Variants in CD2AP observed in about 807,000 individuals in gnomAD.
CD2AP encodes CD2 associated protein.
In CD2AP, 46 loss-of-function variants were observed where a neutral mutation model predicts 85.1. The observed-to-expected ratio is 0.54, with a 90% CI of 0.43 to 0.69. The LOEUF is 0.69. Ranked by LOEUF, CD2AP falls within the 30% of genes least tolerant of loss-of-function variation. The pLI is 0.00. For missense variants in CD2AP, 769 were observed against 729.5 expected (o/e 1.05, Z -0.62); for synonymous variants, 255 against 252.9 (o/e 1.01, Z -0.08).
At chr6:47,570,740 C>T (rs1768126557) in intron 5 of CD2AP, among the ~76,000 whole-genome samples, 1 of 152,128 alleles carries the variant, frequency 6.6e-6, no homozygotes, top group Non-Finnish European at 1.5e-5. Flanking sequence ...TGAAGTTCCC[C>T]ATTTTACAGG....
intron 3 of CD2AP, among the ~76,000 whole-genome samples, chr6:47,536,429 C>T (rs564861656): frequency 3.8e-4 from 58 of 152,168 alleles, no homozygotes; most frequent in African/African-American, 1.3e-3. Flanking sequence ...CAGTTTAAAT[C>T]CCTGTGTGCC....
intron 2 of CD2AP, among the ~76,000 whole-genome samples, chr6:47,509,970 A>C (rs943960965): frequency 3.3e-5 from 5 of 152,238 alleles, no homozygotes; most frequent in African/African-American, 1.2e-4. Flanking sequence ...TTCTACTATT[A>C]GGAATGATTT....
At chr6:47,536,690 G>A (rs1044578427) in intron 3 of CD2AP, among the ~76,000 whole-genome samples, 2 of 152,130 alleles carry the variant, frequency 1.3e-5, no homozygotes, top group Admixed American at 1.3e-4. Context: ...GAGCAAACAT[G>A]GAATAGTGTT....
chr6:47,617,223 C>T (rs528053098), intron 17 of CD2AP, among the ~76,000 whole-genome samples: 1 of 152,282 alleles, frequency 6.6e-6, no homozygotes, highest in East Asian at 1.9e-4. Context: ...CTTTGGCCTC[C>T]CAAAGTGGTA....
intron 2 of CD2AP, among the ~76,000 whole-genome samples, chr6:47,524,925 A>G (rs1766684365): frequency 6.6e-6 from 1 of 152,160 alleles, no homozygotes; most frequent in African/African-American, 2.4e-5. Flanking sequence ...TACTGATTTC[A>G]TATTAAGGAC....
At chr6:47,493,067 A>G (rs956117353) in intron 1 of CD2AP, among the ~76,000 whole-genome samples, 7 of 152,324 alleles carry the variant, frequency 4.6e-5, no homozygotes, top group Admixed American at 2.6e-4. Flanking sequence ...ATATGCTATA[A>G]TCATGCAATA....
chr6:47,589,551 T>TAC (rs112763182), intron 11 of CD2AP, among the ~76,000 whole-genome samples: 34,329 of 130,812 alleles, frequency 0.26, 5,556 homozygotes, highest in East Asian at 0.61. Context: ...CACATATATA[T>TAC]ACACACACAC....
intron 1 of CD2AP, among the ~76,000 whole-genome samples, chr6:47,498,918 T>C (rs926831188): frequency 1.3e-5 from 2 of 152,190 alleles, no homozygotes; most frequent in African/African-American, 4.8e-5. Flanking sequence ...AATACAACCA[T>C]AACATTTAAG....
chr6:47,608,557 T>G (rs1769337631), intron 15 of CD2AP, among the ~76,000 whole-genome samples: 1 of 152,206 alleles, frequency 6.6e-6, no homozygotes, highest in South Asian at 2.1e-4. Flanking sequence ...TTGATTTCAT[T>G]TCAGGGCATT....
intron 1 of CD2AP, among the ~76,000 whole-genome samples, chr6:47,496,414 A>G (rs1472945114): frequency 6.6e-6 from 1 of 152,142 alleles, no homozygotes; most frequent in African/African-American, 2.4e-5. Context: ...TAATATTACA[A>G]ACTTAATTAT....
At chr6:47,523,469 C>A (rs750221104) in intron 2 of CD2AP, among the ~76,000 whole-genome samples, 16 of 151,846 alleles carry the variant, frequency 1.1e-4, no homozygotes, top group South Asian at 2.1e-4. Flanking sequence ...GAATATGTTG[C>A]TTAAGCAAGA....
At chr6:47,601,677 C>G (rs1769139609) in intron 13 of CD2AP, among the ~76,000 whole-genome samples, 1 of 151,938 alleles carries the variant, frequency 6.6e-6, no homozygotes, top group Non-Finnish European at 1.5e-5. Context: ...AGTGTTCTAC[C>G]TCTTCTGTGA....
intron 5 of CD2AP, among the ~76,000 whole-genome samples, chr6:47,555,110 C>T (rs1332077574): frequency 6.6e-6 from 1 of 152,086 alleles, no homozygotes; most frequent in African/African-American, 2.4e-5. Context: ...TTTAATACTT[C>T]AGAAATTTTA....
At chr6:47,490,591 C>T (rs1477354119) in intron 1 of CD2AP, among the ~76,000 whole-genome samples, 3 of 151,934 alleles carry the variant, frequency 2.0e-5, no homozygotes, top group Non-Finnish European at 2.9e-5. Flanking sequence ...ATCACATGTA[C>T]GTGGTAATTT....
At chr6:47,562,611 C>T (rs911808103) in intron 5 of CD2AP, 14 of 428,820 alleles carry the variant, frequency 3.3e-5, no homozygotes, top group Non-Finnish European at 5.1e-5. Flanking sequence ...CCTGAACCCA[C>T]TGCTGTGGTA....
intron 5 of CD2AP, among the ~76,000 whole-genome samples, chr6:47,569,487 C>T (rs1768091814): frequency 1.3e-5 from 2 of 151,522 alleles, no homozygotes; most frequent in African/African-American, 4.9e-5. Flanking sequence ...TGAAGAGGTT[C>T]CAGCAGGGAT....
chr6:47,581,446 G>GT (rs1305131370), intron 10 of CD2AP, among the ~76,000 whole-genome samples: 10 of 151,978 alleles, frequency 6.6e-5, no homozygotes, highest in Admixed American at 2.0e-4. Context: ...AAGATTTGCT[G>GT]TTTTTTTAGA....
chr6:47,596,094 C>G, intron 12 of CD2AP, 68 bp downstream of exon 12: 1 of 1,060,632 alleles, frequency 9.4e-7, no homozygotes, highest in East Asian at 2.4e-5. Context: ...GCTCTATTGC[C>G]TTTCTAAATC....
At chr6:47,562,433 GA>G (rs1324658101) in intron 5 of CD2AP, among the ~76,000 whole-genome samples, 2 of 152,160 alleles carry the variant, frequency 1.3e-5, no homozygotes, top group African/African-American at 4.8e-5. Context: ...AGATTGTGAG[GA>G]AAAATTGCTG....
Sources: allele counts gnomAD v4.1 joint callset (sites outside exome capture counted in the v4.1 genomes callset), GRCh38; gene constraint gnomAD v4.1.1; transcripts MANE v1.5; gene names NCBI Gene and HGNC (gene_info 2026-07-23, HGNC 2026-07-21).